The following HIPK3 variants were observed in gnomAD, a reference collection of about 807,000 sequenced individuals.
HIPK3 encodes homeodomain interacting protein kinase 3.
A neutral mutation model predicts 124.2 loss-of-function variants in HIPK3; 47 were observed. The ratio of observed to expected loss-of-function variants is 0.38; its 90% confidence interval spans 0.30 to 0.48. HIPK3 has a LOEUF of 0.48. Among genes scored for constraint, HIPK3 ranks in the 20% least tolerant of loss-of-function variants. The pLI, the probability that HIPK3 is intolerant of heterozygous loss-of-function variation, is 0.98. For synonymous variants in HIPK3, 482 were observed against 515.2 expected, an observed-to-expected ratio of 0.94 and a Z score of 0.87; for missense variants, 1,286 against 1,454.3, an observed-to-expected ratio of 0.88 and a Z score of 1.88.
At chr11:33,331,041 G>T (rs1054897611) in intron 3 of HIPK3, among the ~76,000 whole-genome samples, 2 of 151,886 alleles carry the variant, frequency 1.3e-5, no homozygotes, top group Admixed American at 6.6e-5. Context: ...GTGCCACCAT[G>T]CCTGGCTAAT....
chr11:33,328,535 C>T lies in HIPK3; in HGVS notation c.1123C>T (p.Pro375Ser). 6.2e-7 allele frequency: 1 copy of T among 1,613,208 alleles called. No homozygotes were observed. Reference protein sequence around the residue: ...YRAPEIILGLPFCEAIDMWSL... With the variant: ...YRAPEIILGLSFCEAIDMWSL... Reference sequence around the variant, plus strand: ...AGCTCCAGAGATTATATTGGGGTTGCCATTTTGTGAAGCCATAGACATGTG... The same window carrying T: ...AGCTCCAGAGATTATATTGGGGTTGTCATTTTGTGAAGCCATAGACATGTG... Residue 375 changes from proline (P) to serine (S), a missense_variant, in exon 3 of 17, where the codon CCA (proline) becomes TCA (serine). Physicochemically the swap from Pro to Ser is moderately conservative, Grantham distance 74. Coordinates refer to ENST00000303296, the MANE Select transcript of HIPK3 (RefSeq NM_005734.5).
chr11:33,257,506 T>G lies in HIPK3; in HGVS notation c.-386T>G. ...CCGCTCCCGGCCGGGGCGTCAGGAA[T>G]GGGCCCCAATCGCCGTGGGCCCCGC... is the stretch of plus-strand genomic sequence containing the variant. On this transcript the variant is annotated 5_prime_UTR_variant, in exon 1 of 17. The change abolishes an upstream ATG in the 5' untranslated region. Transcript: ENST00000303296. 1.0e-6 allele frequency: 1 copy of G among 985,828 alleles called. No homozygotes were observed. The allele number at this position is 985,828 out of a possible 1,614,324, so 61.1% of individuals were successfully genotyped here.
chr11:33,302,629 C>T (rs1852038865), intron 2 of HIPK3, among the ~76,000 whole-genome samples: 1 of 152,136 alleles, frequency 6.6e-6, no homozygotes, highest in Admixed American at 6.6e-5. Context: ...GTCACTGTGC[C>T]TGGCCACTTA....
intron 2 of HIPK3, among the ~76,000 whole-genome samples, chr11:33,289,664 A>T (rs953075349): frequency 1.3e-5 from 2 of 152,182 alleles, no homozygotes; most frequent in African/African-American, 4.8e-5. Flanking sequence ...TTGTGTTACA[A>T]ACATTCCAGT....
At chr11:33,340,181 A>G (rs914568315) in intron 6 of HIPK3, among the ~76,000 whole-genome samples, 2 of 152,158 alleles carry the variant, frequency 1.3e-5, no homozygotes, top group African/African-American at 4.8e-5. Context: ...CACAGGCTCA[A>G]GTGCTCCTCC....
intron 1 of HIPK3, among the ~76,000 whole-genome samples, chr11:33,284,476 T>C (rs1851495384): frequency 6.6e-6 from 1 of 152,206 alleles, no homozygotes; most frequent in African/African-American, 2.4e-5. Flanking sequence ...GATTGAAATC[T>C]GAAAGAGTTT....
At chr11:33,295,195 T>C (rs891137414) in intron 2 of HIPK3, among the ~76,000 whole-genome samples, 3 of 152,044 alleles carry the variant, frequency 2.0e-5, no homozygotes, top group African/African-American at 7.2e-5. Context: ...ACGAGACGCT[T>C]TTAGAGGCTG....
intron 6 of HIPK3, among the ~76,000 whole-genome samples, chr11:33,340,332 TC>T (rs1321079119): frequency 6.6e-6 from 1 of 152,204 alleles, no homozygotes; most frequent in Non-Finnish European, 1.5e-5. Flanking sequence ...CACCTTGGCC[TC>T]CCAAAGTGCT....
At chr11:33,311,089 G>C (rs1852322148) in intron 2 of HIPK3, among the ~76,000 whole-genome samples, 2 of 152,142 alleles carry the variant, frequency 1.3e-5, no homozygotes, top group African/African-American at 2.4e-5. Context: ...GATATATAAG[G>C]CTCACTTTAG....
intron 2 of HIPK3, among the ~76,000 whole-genome samples, chr11:33,288,155 T>G (rs1851605991): frequency 6.6e-6 from 1 of 152,188 alleles, no homozygotes; most frequent in Non-Finnish European, 1.5e-5. Flanking sequence ...TTAATGATTT[T>G]AAGATTCAGA....
chr11:33,272,492 A>G (rs894199249), intron 1 of HIPK3, among the ~76,000 whole-genome samples: 1 of 151,970 alleles, frequency 6.6e-6, no homozygotes, highest in African/African-American at 2.4e-5. Flanking sequence ...ATGTTTGTAA[A>G]TTACATTGCT....
chr11:33,348,119 A>G, intron 11 of HIPK3, 47 bp from the exon 12 acceptor site: 1 of 1,608,154 alleles, frequency 6.2e-7, no homozygotes, highest in South Asian at 1.1e-5. Context: ...GACCTCTTTT[A>G]TAGCTTTGTT....
At chr11:33,296,697 CTG>C (rs1380909129) in intron 2 of HIPK3, among the ~76,000 whole-genome samples, 4 of 152,186 alleles carry the variant, frequency 2.6e-5, no homozygotes, top group Non-Finnish European at 4.4e-5. Flanking sequence ...GCACCACAGA[CTG>C]TGCCTATATA....
intron 1 of HIPK3, among the ~76,000 whole-genome samples, chr11:33,268,040 A>C (rs1590339457): frequency 6.6e-6 from 1 of 151,512 alleles, no homozygotes; most frequent in Non-Finnish European, 1.5e-5. Context: ...GTGAAACCCC[A>C]TCTCTACTAA....
upstream of HIPK3, chr11:33,257,326 G>A (rs1850690860): frequency 7.1e-6 from 7 of 984,072 alleles, no homozygotes; most frequent in South Asian, 1.4e-4. Context: ...TGGCGCTGCG[G>A]AGGCGGTGGC....
intron 2 of HIPK3, among the ~76,000 whole-genome samples, chr11:33,304,654 C>G (rs1014988303): frequency 6.6e-6 from 1 of 152,114 alleles, no homozygotes; most frequent in Non-Finnish European, 1.5e-5. Flanking sequence ...TATATTGTGG[C>G]TGTATTTTAT....
chr11:33,291,879 T>C (rs554506258), intron 2 of HIPK3, among the ~76,000 whole-genome samples: 2 of 152,326 alleles, frequency 1.3e-5, no homozygotes, highest in East Asian at 3.8e-4. Context: ...TTAATTGCTG[T>C]TGAGTTTTAA....
chr11:33,353,272 C>G lies in HIPK3; in HGVS notation c.3352C>G (p.Leu1118Val), dbSNP rs186297123. Residue 1118 changes from leucine to valine, a missense_variant, in exon 17 of 17, where the codon CTA becomes GTA. Coordinates refer to ENST00000303296, the MANE Select transcript of HIPK3 (RefSeq NM_005734.5). ...TACACACCTCGGAGGACAGCCTACT[C>G]TACTTCCATACCCATCATCAGCCAC... is the stretch of plus-strand genomic sequence containing the variant. ...GNTHLGGQPT[L>V]LPYPSSATLS... is the part of the protein sequence containing the mutation. The G allele has an allele frequency of 1.9e-6, 3 of 1,614,188 alleles. No homozygotes were observed. Among genetic ancestry groups the G allele is most frequent in the East Asian group, 2.2e-5 (1 of 44,888 alleles).
At chr11:33,339,580 G>A in intron 6 of HIPK3, 46 bp downstream of exon 6, 1 of 1,343,744 alleles carries the variant, frequency 7.4e-7, no homozygotes, top group African/African-American at 1.5e-5. Context: ...AAAAAAATAA[G>A]TCTGTAGAAA....
Sources: allele counts gnomAD v4.1 joint callset (sites outside exome capture counted in the v4.1 genomes callset), GRCh38; gene constraint gnomAD v4.1.1; transcripts MANE v1.5; gene names NCBI Gene and HGNC (gene_info 2026-07-23, HGNC 2026-07-21).